The following WWOX variants were observed in gnomAD, a reference collection of about 807,000 sequenced individuals.
WWOX encodes WW domain containing oxidoreductase, also known as WW domain-containing oxidoreductase.
Under a neutral mutation model 46.2 loss-of-function variants are expected in WWOX, and 69 were observed. The ratio of observed to expected loss-of-function variants is 1.49; its 90% CI spans 1.23 to 1.82. WWOX has a LOEUF of 1.82. Ranked by LOEUF, WWOX falls within the 40% of genes most tolerant of loss-of-function variation. The pLI is 0.00. For synonymous variants in WWOX, 359 were observed against 202.6 expected (o/e 1.77, Z -6.56); for missense variants, 919 against 542.6 (o/e 1.69, Z -6.89).
intron 8 of WWOX, among the ~76,000 whole-genome samples, chr16:78,570,326 C>T (rs1339752839): frequency 5.9e-5 from 9 of 152,038 alleles, no homozygotes; most frequent in African/African-American, 1.9e-4. Flanking sequence ...TGAACTAATG[C>T]AACAATTTAT....
At chr16:78,924,841 A>G (rs560756298) in intron 8 of WWOX, among the ~76,000 whole-genome samples, 1 of 152,284 alleles carries the variant, frequency 6.6e-6, no homozygotes, top group South Asian at 2.1e-4. Context: ...ATGTGTGAAA[A>G]TGCATATATC....
intron 8 of WWOX, among the ~76,000 whole-genome samples, chr16:78,694,121 A>G (rs901739807): frequency 1.3e-5 from 2 of 151,994 alleles, no homozygotes; most frequent in African/African-American, 4.8e-5. Flanking sequence ...AATCCCAGCT[A>G]CTCTGTAGGC....
chr16:78,285,672 C>T (rs1175260402), intron 5 of WWOX, among the ~76,000 whole-genome samples: 3 of 152,136 alleles, frequency 2.0e-5, no homozygotes, highest in East Asian at 1.9e-4. Flanking sequence ...GACGGACTCT[C>T]GGATGCTTGG....
chr16:78,695,464 G>C (rs910891123), intron 8 of WWOX, among the ~76,000 whole-genome samples: 9 of 152,284 alleles, frequency 5.9e-5, no homozygotes, highest in Middle Eastern at 6.8e-3. Flanking sequence ...GAGCAGAGAA[G>C]CTTGTCTTTC....
intron 8 of WWOX, among the ~76,000 whole-genome samples, chr16:78,746,359 A>C (rs781243596): frequency 6.6e-6 from 1 of 152,116 alleles, no homozygotes; most frequent in South Asian, 2.1e-4. Context: ...TTAGCTGGGA[A>C]TGATGGTGCA....
intron 8 of WWOX, among the ~76,000 whole-genome samples, chr16:78,756,741 C>G (rs1174567997): frequency 6.6e-6 from 1 of 152,184 alleles, no homozygotes; most frequent in Non-Finnish European, 1.5e-5. Flanking sequence ...GACAAAGAAT[C>G]AAACCTAAGT....
At chr16:78,355,621 A>T (rs1455603630) in intron 5 of WWOX, 3 of 583,756 alleles carry the variant, frequency 5.1e-6, no homozygotes, top group Non-Finnish European at 6.6e-6. Flanking sequence ...TTTGTGTGAA[A>T]ATGAGAAACG....
intron 8 of WWOX, among the ~76,000 whole-genome samples, chr16:79,187,854 T>A (rs2051049839): frequency 6.6e-6 from 1 of 152,244 alleles, no homozygotes; most frequent in Non-Finnish European, 1.5e-5. Context: ...CTTTCACTTG[T>A]ATTTTTTGAG....
chr16:79,167,683 A>G (rs2050621847), intron 8 of WWOX, among the ~76,000 whole-genome samples: 1 of 152,234 alleles, frequency 6.6e-6, no homozygotes, highest in Admixed American at 6.5e-5. Flanking sequence ...TCAGGCCACA[A>G]TGACTTCAAA....
intron 8 of WWOX, among the ~76,000 whole-genome samples, chr16:78,900,919 C>G (rs1041472907): frequency 6.6e-6 from 1 of 151,150 alleles, no homozygotes; most frequent in South Asian, 2.1e-4. Flanking sequence ...CCCATATTCT[C>G]TTTAATGTTC....
At chr16:79,119,203 AT>A (rs1332581492) in intron 8 of WWOX, among the ~76,000 whole-genome samples, 6 of 150,484 alleles carry the variant, frequency 4.0e-5, no homozygotes, top group African/African-American at 7.4e-5. Context: ...AAAAAAAAAA[AT>A]CATTACTAAT....
At chr16:79,167,315 A>C (rs918705557) in intron 8 of WWOX, among the ~76,000 whole-genome samples, 3 of 152,190 alleles carry the variant, frequency 2.0e-5, no homozygotes, top group Non-Finnish European at 4.4e-5. Flanking sequence ...AACAATTCCA[A>C]AATGCTAATA....
At chr16:78,199,311 TCAAACAAA>T (rs35182566) in intron 5 of WWOX, among the ~76,000 whole-genome samples, 24,523 of 150,562 alleles carry the variant, frequency 0.16, 2,058 homozygotes, top group African/African-American at 0.19. Context: ...AGACTCCATC[TCAAACAAA>T]CAAACAAACA....
chr16:79,063,747 A>G (rs139276185), intron 8 of WWOX, among the ~76,000 whole-genome samples: 2 of 152,368 alleles, frequency 1.3e-5, no homozygotes, highest in Admixed American at 1.3e-4. Flanking sequence ...AGAAAACAGA[A>G]TAAAAATAGC....
chr16:78,447,972 T>G (rs1049391555), intron 8 of WWOX, among the ~76,000 whole-genome samples: 1 of 152,086 alleles, frequency 6.6e-6, no homozygotes, highest in East Asian at 1.9e-4. Flanking sequence ...TCCAGCTGAC[T>G]TTTGTATTTT....
At chr16:78,385,994 T>C (rs1018848140) in intron 5 of WWOX, among the ~76,000 whole-genome samples, 7 of 152,200 alleles carry the variant, frequency 4.6e-5, no homozygotes, top group Non-Finnish European at 8.8e-5. Context: ...AATGATGCCA[T>C]GAAGAACATG....
intron 8 of WWOX, among the ~76,000 whole-genome samples, chr16:79,157,703 G>A (rs1221916672): frequency 1.3e-5 from 2 of 152,228 alleles, no homozygotes; most frequent in African/African-American, 4.8e-5. Flanking sequence ...TGTGATGATT[G>A]TGATCTGTGT....
Position 79,209,281 on chromosome 16 carries a change from T to A in WWOX, c.1057-2327T>A, listed in dbSNP as rs144579035. 1.3e-3 allele frequency among the ~76,000 whole-genome samples: 192 copies of A among 152,336 alleles called. 1 individual carries two copies. The highest frequency in any genetic ancestry group is 4.5e-3 in the African/African-American group (186 of 41,576). On this transcript the variant is annotated intron_variant, in intron 8 of 8. Transcript: ENST00000566780. ...GCTCCTGCAACAATGGCATTCTGAA[T>A]CAATGGGACTGCAGAATTTCTTAGC... is the stretch of plus-strand genomic sequence containing the variant.
chr16:78,259,777 CT>C (rs754839929), intron 5 of WWOX, among the ~76,000 whole-genome samples: 13 of 149,824 alleles, frequency 8.7e-5, no homozygotes, highest in Non-Finnish European at 1.3e-4. Flanking sequence ...GTTTTATAAA[CT>C]TTTTTTTTAC....
Sources: gnomAD v4.1 joint callset for allele counts (sites outside exome capture counted in the v4.1 genomes callset) on GRCh38, gnomAD v4.1.1 for gene constraint, MANE v1.5 for transcripts, NCBI Gene and HGNC (gene_info 2026-07-23, HGNC 2026-07-21) for gene names.